The following OXR1 variants were observed in gnomAD, a reference collection of about 807,000 sequenced individuals.
The protein encoded by OXR1 is oxidation resistance protein 1.
In OXR1, 41 loss-of-function variants were observed where a neutral mutation model predicts 104.6. The observed-to-expected ratio is 0.39, with a 90% confidence interval of 0.31 to 0.51. OXR1 has a LOEUF of 0.51. Ranked by LOEUF, OXR1 falls within the 20% of genes least tolerant of loss-of-function variation. The probability of loss-of-function intolerance (pLI) is 0.77; values close to 1 mark genes in which losing one functional copy is unlikely to be tolerated. For synonymous variants in OXR1, 348 were observed against 348.4 expected, an observed-to-expected ratio of 1.00 and a Z score of 0.01; for missense variants, 955 against 1,031.9, an observed-to-expected ratio of 0.93 and a Z score of 1.02.
chr8:106,347,759 T>C (rs1260718000), intron 1 of OXR1, among the ~76,000 whole-genome samples: 2 of 152,204 alleles, frequency 1.3e-5, no homozygotes, highest in Non-Finnish European at 2.9e-5. Context: ...TGCTCTTTCA[T>C]TGACTGTCAT....
At chr8:106,612,416 A>AT (rs1177435667) in intron 3 of OXR1, among the ~76,000 whole-genome samples, 1 of 152,136 alleles carries the variant, frequency 6.6e-6, no homozygotes, top group Non-Finnish European at 1.5e-5. Context: ...GGGGGGGTAT[A>AT]ATAACCTTCA....
intron 16 of OXR1, among the ~76,000 whole-genome samples, chr8:106,749,070 C>T (rs894685868): frequency 3.3e-5 from 5 of 151,858 alleles, no homozygotes; most frequent in South Asian, 2.1e-4. Flanking sequence ...AGGCCAGGCA[C>T]GGTGGCTCAC....
intron 1 of OXR1, among the ~76,000 whole-genome samples, chr8:106,348,350 G>C (rs1255852609): frequency 6.6e-6 from 1 of 152,140 alleles, no homozygotes; most frequent in Non-Finnish European, 1.5e-5. Context: ...ATTCCTAAGT[G>C]CATTGTGTTC....
chr8:106,377,106 G>A (rs961251939), intron 2 of OXR1, among the ~76,000 whole-genome samples: 4 of 152,134 alleles, frequency 2.6e-5, no homozygotes, highest in African/African-American at 9.7e-5. Flanking sequence ...GAGAACTACA[G>A]TCAAATTATT....
rs543914130 is a variant in OXR1 at position 106,568,301 on chromosome 8, A to C, written c.220+49162A>C. Among the ~76,000 whole-genome samples the C allele has an allele frequency of 9.2e-5, 14 of 152,280 alleles. No individual in the cohort carries two copies. The South Asian group carries it at 2.9e-3, about 32-fold the overall frequency. On this transcript the variant is annotated intron_variant, in intron 3 of 16. Coordinates refer to ENST00000517566, the MANE Select transcript of OXR1 (RefSeq NM_001198533.2). ...TGGGATTACGATAAATAAACAAGGAAGTATTTAAAGTTCCAATACTGATTC... is the reference window on the plus strand; with the variant it reads ...TGGGATTACGATAAATAAACAAGGACGTATTTAAAGTTCCAATACTGATTC...
intron 3 of OXR1, among the ~76,000 whole-genome samples, chr8:106,652,147 AG>A (rs1398502920): frequency 1.3e-5 from 2 of 152,032 alleles, no homozygotes; most frequent in Non-Finnish European, 2.9e-5. Context: ...GATCTTTGGG[AG>A]TGTAACATCA....
At chr8:106,457,125 CTG>C (rs1820639115) in intron 2 of OXR1, among the ~76,000 whole-genome samples, 1 of 152,154 alleles carries the variant, frequency 6.6e-6, no homozygotes, top group South Asian at 2.1e-4. Flanking sequence ...GTGCCAATCA[CTG>C]TGCTAGGTAC....
At chr8:106,506,761 A>C (rs1247381428) in intron 2 of OXR1, among the ~76,000 whole-genome samples, 4 of 152,300 alleles carry the variant, frequency 2.6e-5, no homozygotes, top group Non-Finnish European at 5.9e-5. Flanking sequence ...TTAGGGATTG[A>C]ATCAAAATTA....
At chr8:106,316,717 C>CATCTATCTATCT (rs71307053) in intron 1 of OXR1, among the ~76,000 whole-genome samples, 11 of 118,680 alleles carry the variant, frequency 9.3e-5, no homozygotes, top group East Asian at 9.2e-4. Flanking sequence ...ATCTATCTAT[C>CATCTATCTATCT]ATCTATCTAT....
Position 106,750,938 on chromosome 8 carries a change from A to G in OXR1, c.2619A>G (p.Glu873=). 8.7e-6 allele frequency: 14 copies of G among 1,600,318 alleles called. No individual in the cohort carries two copies. Among genetic ancestry groups the G allele is most frequent in the Non-Finnish European group, 1.1e-5 (13 of 1,175,700 alleles). ...FIQDIEIWAF[E] is the part of the protein sequence containing the mutation. ...AAGATATTGAAATCTGGGCTTTTGA[A>G]TAAATAAAATGCTCTCTGTCTTAGC... Residue 873 remains glutamate, a synonymous_variant, in exon 17 of 17, where the codon GAA becomes GAG. Transcript: ENST00000517566.
chr8:106,566,860 C>A (rs553784348), intron 3 of OXR1, among the ~76,000 whole-genome samples: 92 of 152,262 alleles, frequency 6.0e-4, no homozygotes, highest in Non-Finnish European at 1.1e-3. Flanking sequence ...CAAACTAACA[C>A]AGGAACAGAA....
intron 3 of OXR1, among the ~76,000 whole-genome samples, chr8:106,545,068 C>T (rs944020007): frequency 1.3e-5 from 2 of 152,128 alleles, no homozygotes; most frequent in African/African-American, 4.8e-5. Flanking sequence ...GGCTGTTTAA[C>T]AGTATCCCTG....
chr8:106,538,723 A>T (rs766820880), intron 3 of OXR1, among the ~76,000 whole-genome samples: 1 of 152,208 alleles, frequency 6.6e-6, no homozygotes, highest in African/African-American at 2.4e-5. Context: ...ATGCCCCCAG[A>T]TAGTTCTGAC....
At chr8:106,293,713 A>G (rs1299605417) in intron 1 of OXR1, among the ~76,000 whole-genome samples, 1 of 152,192 alleles carries the variant, frequency 6.6e-6, no homozygotes, top group African/African-American at 2.4e-5. Flanking sequence ...GGCAGAAGAC[A>G]GAAGGGCAAG....
At chr8:106,574,318 T>C (rs1206044611) in intron 3 of OXR1, among the ~76,000 whole-genome samples, 12 of 152,176 alleles carry the variant, frequency 7.9e-5, no homozygotes, top group Admixed American at 7.9e-4. Flanking sequence ...TTCCTTAATA[T>C]TCAACTCCCA....
intron 2 of OXR1, among the ~76,000 whole-genome samples, chr8:106,449,475 A>G (rs1486575638): frequency 6.6e-6 from 1 of 152,214 alleles, no homozygotes; most frequent in African/African-American, 2.4e-5. Context: ...ACTGTTCTGT[A>G]TGCTTTGCCT....
intron 7 of OXR1, among the ~76,000 whole-genome samples, chr8:106,699,501 A>T (rs960640114): frequency 6.6e-6 from 1 of 152,184 alleles, no homozygotes; most frequent in Non-Finnish European, 1.5e-5. Flanking sequence ...ATCATTGCCT[A>T]GCATTCCGGT....
At chr8:106,323,684 T>G (rs1380789693) in intron 1 of OXR1, among the ~76,000 whole-genome samples, 1 of 151,336 alleles carries the variant, frequency 6.6e-6, no homozygotes, top group Non-Finnish European at 1.5e-5. Flanking sequence ...AAAACCCCAT[T>G]AAAAAGTGCG....
intron 2 of OXR1, among the ~76,000 whole-genome samples, chr8:106,482,418 A>T (rs1180900387): frequency 2.9e-4 from 1 of 3,396 alleles, no homozygotes; most frequent in African/African-American, 4.4e-4. Context: ...GAACTGGGGG[A>T]AAAAAAAAAA....
Sources: allele counts gnomAD v4.1 joint callset (sites outside exome capture counted in the v4.1 genomes callset), GRCh38; gene constraint gnomAD v4.1.1; transcripts MANE v1.5; gene names NCBI Gene and HGNC (gene_info 2026-07-23, HGNC 2026-07-21).